SP6: variants seen among roughly 807,000 people sequenced by gnomAD.
SP6 encodes the protein transcription factor Sp6.
SP6 carries 10 observed loss-of-function variants against 23.4 expected under a neutral mutation model. That is an observed-to-expected ratio of 0.43 (90% CI 0.26 to 0.72). The LOEUF (loss-of-function observed/expected upper bound fraction) is 0.72, where lower values mean the gene tolerates loss of function less well. SP6 is among the 30% of genes least tolerant of loss of function. SP6 has a pLI of 0.23. For synonymous variants in SP6, 238 were observed against 238.7 expected (o/e 1.00, Z 0.03); for missense variants, 482 against 523.8 (o/e 0.92, Z 0.78).
At chr17:47,852,592 C>T (rs1367427003), upstream of SP6, among the ~76,000 whole-genome samples, 1 of 152,104 alleles carries the variant, frequency 6.6e-6, no homozygotes, top group Non-Finnish European at 1.5e-5. Context: ...GCCCCTACTC[C>T]CCCCCGCCAT....
At chr17:47,858,206 C>T (rs2034012265), upstream of SP6, among the ~76,000 whole-genome samples, 1 of 152,064 alleles carries the variant, frequency 6.6e-6, no homozygotes, top group African/African-American at 2.4e-5. Context: ...TCCTACTGTT[C>T]TTCCTTCCAT....
At chr17:47,850,782 T>A (rs2033945713) in intron 1 of SP6, 137 bp downstream of exon 1, 1 of 152,362 alleles carries the variant, frequency 6.6e-6, no homozygotes, top group Admixed American at 6.5e-5. Flanking sequence ...TTTCCCTCCA[T>A]CGGGGTTCTA....
rs1177302340 is a variant in SP6 at position 47,845,433 on chromosome 17, C to G, written c.*1866G>C. The G allele has an allele frequency of 6.6e-6, 1 of 152,266 alleles. No individual in the cohort carries two copies. The highest frequency in any genetic ancestry group is 2.4e-5 in the African/African-American group (1 of 41,448). 9.4% of individuals were successfully genotyped at this position (152,266 alleles called of 1,614,324 possible). On this transcript the variant is annotated 3_prime_UTR_variant, in exon 2 of 2. Coordinates refer to ENST00000536300, the MANE Select transcript of SP6 (RefSeq NM_001258248.2). ...GAGAAAGAAAGAAAGAACATTACTT[C>G]TTAAACTACCCCAGGCCAATGAGTT...
chr17:47,874,530 G>A, the SP6 span, among the ~76,000 whole-genome samples: 1 of 152,162 alleles, frequency 6.6e-6, no homozygotes, highest in East Asian at 1.9e-4. Context: ...AACAGAGCAA[G>A]ACCTCCTTTC....
At chr17:47,856,889 C>G (rs1338539902), upstream of SP6, among the ~76,000 whole-genome samples, 7 of 151,886 alleles carry the variant, frequency 4.6e-5, no homozygotes, top group Non-Finnish European at 1.0e-4. Flanking sequence ...GAGTCTTTAC[C>G]CAAAACTCTT....
At chr17:47,870,474 C>T in the SP6 span, among the ~76,000 whole-genome samples, 1 of 152,110 alleles carries the variant, frequency 6.6e-6, no homozygotes, top group African/African-American at 2.4e-5. Context: ...GCATTGATTT[C>T]CCCTCCTGCC....
At chr17:47,874,430 A>G in the SP6 span, among the ~76,000 whole-genome samples, 2 of 152,304 alleles carry the variant, frequency 1.3e-5, no homozygotes, top group East Asian at 3.9e-4. Context: ...TTTAGGAGCC[A>G]GGCAGGGGGT....
upstream of SP6, among the ~76,000 whole-genome samples, chr17:47,853,424 T>TG: frequency 6.6e-6 from 1 of 152,290 alleles, no homozygotes; most frequent in East Asian, 1.9e-4. Flanking sequence ...GAGCCCCCAG[T>TG]GGGGGACTCT....
At chr17:47,863,738 A>ATTTT in the SP6 span, among the ~76,000 whole-genome samples, 5 of 98,800 alleles carry the variant, frequency 5.1e-5, no homozygotes, top group African/African-American at 2.0e-4. Context: ...CTAATTTTGT[A>ATTTT]TTTTTTTTTT....
rs1464059677 is a variant in SP6 at position 47,847,579 on chromosome 17, A to T, written c.851T>A (p.Phe284Tyr). Residue 284 changes from phenylalanine to tyrosine, a missense_variant, in exon 2 of 2, where the codon TTC becomes TAC. By Grantham distance (22) the Phe-to-Tyr change is conservative (BLOSUM62 3). Coordinates refer to ENST00000536300, the MANE Select transcript of SP6 (RefSeq NM_001258248.2). ...GCCGCAGAAGAGCCAGTTGCACACGAAGGGACGGTCGCCGCTGTGCCAGCG... is the reference window on the plus strand; with the variant it reads ...GCCGCAGAAGAGCCAGTTGCACACGTAGGGACGGTCGCCGCTGTGCCAGCG... Reference protein sequence around the residue: ...HLRWHSGDRPFVCNWLFCGKR... With the variant: ...HLRWHSGDRPYVCNWLFCGKR... 4 of 1,613,554 alleles carry T rather than the reference A, an allele frequency of 2.5e-6. No homozygotes were observed. Among genetic ancestry groups the T allele is most frequent in the Non-Finnish European group, 1.7e-6 (2 of 1,179,958 alleles).
chr17:47,862,813 A>G, the SP6 span, among the ~76,000 whole-genome samples: 1 of 152,252 alleles, frequency 6.6e-6, no homozygotes, highest in Non-Finnish European at 1.5e-5. Context: ...TGCCTGGAGC[A>G]TTGGACTTCA....
At chr17:47,872,236 C>T in the SP6 span, among the ~76,000 whole-genome samples, 1 of 152,186 alleles carries the variant, frequency 6.6e-6, no homozygotes, top group South Asian at 2.1e-4. Context: ...GAGCCCAATC[C>T]CAGATCGGTT....
At chr17:47,871,228 G>A in the SP6 span, among the ~76,000 whole-genome samples, 10 of 152,154 alleles carry the variant, frequency 6.6e-5, no homozygotes, top group Admixed American at 6.5e-4. Flanking sequence ...TTCAGCTCTG[G>A]CCCTAGAAGA....
chr17:47,848,238 C>CCG lies in SP6; in HGVS notation c.191_192insCG (p.Gln65GlyfsTer13), dbSNP rs1567961131. The CCG allele has an allele frequency of 6.2e-7, 1 of 1,611,890 alleles. No individual in the cohort carries two copies. The highest frequency in any genetic ancestry group is 1.1e-5 in the South Asian group (1 of 91,032). ...AGGCCCCTGGCAGCTCATAGCCCTG[C>CCG]GAGAAGTCCACCTCCGGGCCCAGCG... is the stretch of plus-strand genomic sequence containing the variant. On this transcript the variant is annotated frameshift_variant, in exon 2 of 2. Coordinates refer to ENST00000536300, the MANE Select transcript of SP6 (RefSeq NM_001258248.2). LOFTEE classifies it high-confidence loss of function. The surrounding 1 kb of genome is among the most constrained non-coding windows in gnomAD (Gnocchi z 5.3).
the SP6 span, among the ~76,000 whole-genome samples, chr17:47,872,273 GTATCCAAACCAGAAA>G: frequency 6.6e-6 from 1 of 152,192 alleles, no homozygotes; most frequent in Non-Finnish European, 1.5e-5. Context: ...GGTTGGGGAT[GTATCCAAACCAGAAA>G]TATCCTTTCA....
At chr17:47,853,938 G>A (rs555456685), upstream of SP6, among the ~76,000 whole-genome samples, 21 of 152,258 alleles carry the variant, frequency 1.4e-4, no homozygotes, top group African/African-American at 4.8e-4. Context: ...CTTGCTAAAT[G>A]TTTTCCCACC....
the SP6 span, among the ~76,000 whole-genome samples, chr17:47,869,696 T>C: frequency 1.3e-5 from 2 of 152,322 alleles, no homozygotes; most frequent in East Asian, 3.9e-4. Flanking sequence ...GGAGTCAGAA[T>C]AGAGATTCCT....
chr17:47,860,628 C>T (rs180918618), upstream of SP6, among the ~76,000 whole-genome samples: 83 of 149,614 alleles, frequency 5.5e-4, 1 homozygote, highest in African/African-American at 1.2e-3. Context: ...CTTTGGGAGG[C>T]GGAGGCGGGA....
the SP6 span, among the ~76,000 whole-genome samples, chr17:47,861,354 C>T: frequency 6.6e-6 from 1 of 152,228 alleles, no homozygotes; most frequent in Non-Finnish European, 1.5e-5. Flanking sequence ...TGGACACATT[C>T]ACTTGGTTCC....
Sources: gnomAD v4.1 joint callset for allele counts (sites outside exome capture counted in the v4.1 genomes callset) on GRCh38, gnomAD v4.1.1 for gene constraint, Gnocchi (gnomAD v3.1) non-coding constraint, MANE v1.5 for transcripts, NCBI Gene and HGNC (gene_info 2026-07-23, HGNC 2026-07-21) for gene names.